The following ESRRG variants were observed in gnomAD, a reference collection of about 807,000 sequenced individuals.
ESRRG encodes estrogen related receptor gamma.
ESRRG carries 13 observed loss-of-function variants against 44.0 expected under a neutral mutation model. The ratio of observed to expected loss-of-function variants is 0.30; its 90% CI spans 0.19 to 0.47. ESRRG has a LOEUF of 0.47. ESRRG is among the 20% of genes least tolerant of loss of function. The pLI is 1.00. For missense variants in ESRRG, 395 were observed against 580.6 expected (o/e 0.68, Z 3.29); for synonymous variants, 215 against 214.6 (o/e 1.00, Z -0.02).
chr1:216,956,349 CTCTT>C (rs1348995668), intron 1 of ESRRG, among the ~76,000 whole-genome samples: 3 of 152,108 alleles, frequency 2.0e-5, no homozygotes, highest in Non-Finnish European at 2.9e-5. Flanking sequence ...ACATCCTAAA[CTCTT>C]TCTTTCTCTA....
At chr1:216,668,938 C>A (rs896741248) in intron 2 of ESRRG, among the ~76,000 whole-genome samples, 2 of 152,096 alleles carry the variant, frequency 1.3e-5, no homozygotes, top group African/African-American at 4.8e-5. Flanking sequence ...CTAGGAAATC[C>A]TTTGGTATAA....
chr1:216,807,969 A>G lies in ESRRG; in HGVS notation c.-13-130478T>C, dbSNP rs1366526179. Among the ~76,000 whole-genome samples, 5 of 152,322 alleles carry G rather than the reference A, an allele frequency of 3.3e-5. 1 individual carries two copies. Among genetic ancestry groups the G allele is most frequent in the African/African-American group, 1.2e-4 (5 of 41,582 alleles). On this transcript the variant is annotated intron_variant, in intron 2 of 7. Transcript: ENST00000359162. ...AACAAAAGAAATGTGCTAATTTCAC[A>G]GCTGGGCATGGAGACTCTAGTGTGT...
At chr1:216,995,019 G>A (rs550559441) in intron 1 of ESRRG, among the ~76,000 whole-genome samples, 7 of 152,122 alleles carry the variant, frequency 4.6e-5, no homozygotes, top group African/African-American at 9.7e-5. Context: ...GATGGCATTC[G>A]TCTTCAGGGA....
chr1:216,971,295 T>C (rs1272519473), intron 1 of ESRRG, among the ~76,000 whole-genome samples: 4 of 152,182 alleles, frequency 2.6e-5, no homozygotes, highest in Non-Finnish European at 4.4e-5. Flanking sequence ...AATGTCCACA[T>C]TGCATAACTG....
At chr1:217,042,593 C>A (rs891936829) in intron 1 of ESRRG, among the ~76,000 whole-genome samples, 2 of 152,046 alleles carry the variant, frequency 1.3e-5, no homozygotes, top group Admixed American at 6.6e-5. Flanking sequence ...TCCCCACACT[C>A]CCCCCTGCCC....
At chr1:216,967,469 T>C (rs994777544) in intron 1 of ESRRG, among the ~76,000 whole-genome samples, 6 of 152,200 alleles carry the variant, frequency 3.9e-5, no homozygotes, top group African/African-American at 1.4e-4. Flanking sequence ...TAGAAAGACA[T>C]ATAGTTTAAA....
At chr1:216,687,342 C>A (rs149557892) in intron 1 of ESRRG, among the ~76,000 whole-genome samples, 2 of 152,008 alleles carry the variant, frequency 1.3e-5, no homozygotes, top group South Asian at 2.1e-4. Context: ...TCCCAGTGTG[C>A]GACACCACGC....
intron 1 of ESRRG, among the ~76,000 whole-genome samples, chr1:216,996,165 G>A (rs904130237): frequency 1.3e-5 from 2 of 152,156 alleles, no homozygotes; most frequent in Non-Finnish European, 2.9e-5. Flanking sequence ...AAATGAGGGG[G>A]AATAGTCTAG....
At chr1:216,993,247 G>C (rs1025295984) in intron 1 of ESRRG, among the ~76,000 whole-genome samples, 2 of 152,080 alleles carry the variant, frequency 1.3e-5, no homozygotes, top group East Asian at 3.9e-4. Context: ...TACTCTTCCT[G>C]GTACCTCATG....
At chr1:217,083,466 G>A (rs1400312759) in intron 1 of ESRRG, among the ~76,000 whole-genome samples, 14 of 152,132 alleles carry the variant, frequency 9.2e-5, no homozygotes, top group Non-Finnish European at 8.8e-5. Flanking sequence ...GAATCGCAGG[G>A]GTGAAGTAAG....
chr1:216,908,799 C>T (rs1356676415), intron 2 of ESRRG, among the ~76,000 whole-genome samples: 3 of 146,612 alleles, frequency 2.0e-5, no homozygotes, highest in East Asian at 2.0e-4. Context: ...TCCCTAGGTA[C>T]AAGGCAATGT....
intron 1 of ESRRG, among the ~76,000 whole-genome samples, chr1:217,057,392 T>C (rs770722754): frequency 1.3e-5 from 2 of 152,034 alleles, no homozygotes; most frequent in African/African-American, 2.4e-5. Context: ...CCATAGAAAG[T>C]GATTATAATT....
At chr1:216,592,929 G>A (rs1278925655) in intron 3 of ESRRG, among the ~76,000 whole-genome samples, 1 of 152,144 alleles carries the variant, frequency 6.6e-6, no homozygotes, top group Non-Finnish European at 1.5e-5. Flanking sequence ...TATGAGATAG[G>A]TATTACTATG....
intron 2 of ESRRG, among the ~76,000 whole-genome samples, chr1:216,745,262 G>A (rs75441147): frequency 0.025 from 3,823 of 152,094 alleles, 156 homozygotes; most frequent in African/African-American, 0.087. Flanking sequence ...GGGCTCCAGC[G>A]ATCCTCTCAC....
At chr1:217,075,204 A>G (rs759120796) in intron 1 of ESRRG, among the ~76,000 whole-genome samples, 1 of 152,198 alleles carries the variant, frequency 6.6e-6, no homozygotes, top group Non-Finnish European at 1.5e-5. Context: ...GGTCAAGATA[A>G]TAATGAAACC....
chr1:216,799,897 T>A (rs143295504), intron 2 of ESRRG, among the ~76,000 whole-genome samples: 1 of 152,190 alleles, frequency 6.6e-6, no homozygotes, highest in African/African-American at 2.4e-5. Context: ...TTATCACTTA[T>A]GTAGCCTTAG....
intron 2 of ESRRG, chr1:216,863,889 T>C (rs1384968979): frequency 2.0e-5 from 3 of 152,206 alleles, no homozygotes; most frequent in Non-Finnish European, 4.4e-5. Context: ...CTCTACTGCA[T>C]CCGCCATCTT....
At chr1:216,705,503 G>A (rs17043466) in intron 1 of ESRRG, among the ~76,000 whole-genome samples, 18,819 of 151,890 alleles carry the variant, frequency 0.12, 1,318 homozygotes, top group Middle Eastern at 0.21. Flanking sequence ...TTACACTTCC[G>A]TTGAAAGTCC....
At chr1:216,884,761 G>A (rs575655039) in intron 2 of ESRRG, among the ~76,000 whole-genome samples, 1 of 152,286 alleles carries the variant, frequency 6.6e-6, no homozygotes, top group Admixed American at 6.5e-5. Flanking sequence ...GGGCTCTGCT[G>A]TAATTGCAGT....
Sources: gnomAD v4.1 joint callset for allele counts (sites outside exome capture counted in the v4.1 genomes callset) on GRCh38, gnomAD v4.1.1 for gene constraint, MANE v1.5 for transcripts, NCBI Gene and HGNC (gene_info 2026-07-23, HGNC 2026-07-21) for gene names.